FABP12: variants seen among roughly 807,000 people sequenced by gnomAD.
FABP12 encodes fatty acid-binding protein 12.
Under a neutral mutation model 13.7 loss-of-function variants are expected in FABP12, and 19 were observed. The observed-to-expected ratio is 1.39, with a 90% confidence interval of 0.97 to 2.04. FABP12 has a LOEUF of 2.04. Among genes scored for constraint, FABP12 ranks in the 30% most tolerant of loss-of-function variants. The pLI is 0.00. For synonymous variants in FABP12, 61 were observed against 57.0 expected, an observed-to-expected ratio of 1.07 and a Z score of -0.32; for missense variants, 182 against 164.2, an observed-to-expected ratio of 1.11 and a Z score of -0.59.
At chr8:81,542,524 CAG>C (rs1809367913) in intron 1 of FABP12, among the ~76,000 whole-genome samples, 1 of 152,140 alleles carries the variant, frequency 6.6e-6, no homozygotes, top group Non-Finnish European at 1.5e-5. Context: ...TGAGAGGACA[CAG>C]GGAAAAGCTT....
chr8:81,578,817 G>A (rs1235204362), intron 1 of FABP12, among the ~76,000 whole-genome samples: 1 of 55,622 alleles, frequency 1.8e-5, no homozygotes, highest in Non-Finnish European at 3.2e-5. Flanking sequence ...TGACACATTT[G>A]TTCAAGTTTT....
intron 4 of FABP12, among the ~76,000 whole-genome samples, chr8:81,526,728 C>A: frequency 6.6e-6 from 1 of 151,854 alleles, no homozygotes; most frequent in East Asian, 1.9e-4. Flanking sequence ...TGGCAACAAC[C>A]CTCAACCCCT....
chr8:81,585,524 A>C (rs577556262), intron 1 of FABP12, among the ~76,000 whole-genome samples: 1 of 152,274 alleles, frequency 6.6e-6, no homozygotes, highest in Admixed American at 6.5e-5. Flanking sequence ...TGATGCTTCC[A>C]GCTTTGTTCT....
chr8:81,589,565 C>T (rs945287703), intron 1 of FABP12, among the ~76,000 whole-genome samples: 1 of 152,178 alleles, frequency 6.6e-6, no homozygotes, highest in African/African-American at 2.4e-5. Context: ...TTCACTTTCC[C>T]CCTGTTTAGG....
At chr8:81,554,718 C>A (rs1484791406) in intron 1 of FABP12, among the ~76,000 whole-genome samples, 1 of 152,042 alleles carries the variant, frequency 6.6e-6, no homozygotes, top group Non-Finnish European at 1.5e-5. Flanking sequence ...GGTGTCCAAT[C>A]TTTTGGCTTC....
intron 1 of FABP12, among the ~76,000 whole-genome samples, chr8:81,567,595 G>T (rs753320796): frequency 6.6e-6 from 1 of 152,198 alleles, no homozygotes; most frequent in East Asian, 1.9e-4. Flanking sequence ...GGAGAAACTG[G>T]ATATCCATAT....
At chr8:81,526,007 T>A (rs1808890477) in intron 4 of FABP12, 1 of 152,196 alleles carries the variant, frequency 6.6e-6, no homozygotes, top group East Asian at 1.9e-4. Context: ...ATCCTTTGAT[T>A]CTGAGTGTAG....
At chr8:81,559,524 A>T (rs1430933262) in intron 1 of FABP12, among the ~76,000 whole-genome samples, 1 of 152,186 alleles carries the variant, frequency 6.6e-6, no homozygotes, top group African/African-American at 2.4e-5. Flanking sequence ...CAGTGATGTG[A>T]TGGAAATGAG....
intron 1 of FABP12, among the ~76,000 whole-genome samples, chr8:81,577,725 A>C (rs1585859237): frequency 6.6e-6 from 1 of 152,192 alleles, no homozygotes; most frequent in East Asian, 1.9e-4. Flanking sequence ...TCCGCCATGC[A>C]CTCTAGCCTG....
At chr8:81,582,118 A>ATTTTTTTTTTTTTTT (rs34960860) in intron 1 of FABP12, among the ~76,000 whole-genome samples, 1 of 96,788 alleles carries the variant, frequency 1.0e-5, no homozygotes, top group Non-Finnish European at 1.9e-5. Flanking sequence ...GCTAACTGGA[A>ATTTTTTTTTTTTTTT]TTTTTTTTTT....
chr8:81,553,059 G>T (rs1161597409), intron 1 of FABP12, among the ~76,000 whole-genome samples: 1 of 152,156 alleles, frequency 6.6e-6, no homozygotes, highest in South Asian at 2.1e-4. Flanking sequence ...AACATTTAAT[G>T]TGACCATGGT....
At chr8:81,582,823 T>C (rs1345732452) in intron 1 of FABP12, among the ~76,000 whole-genome samples, 2 of 152,100 alleles carry the variant, frequency 1.3e-5, no homozygotes, top group Non-Finnish European at 2.9e-5. Context: ...AACAAAGAAA[T>C]ATTGGATTTA....
At position 81,530,397 on chromosome 8, in the gene FABP12, G is replaced by A. The variant is rs1809036413; in HGVS notation, c.74-787C>T. Among the ~76,000 whole-genome samples the A allele has an allele frequency of 1.3e-5, 2 of 151,972 alleles. 1 individual carries two copies. Among genetic ancestry groups the A allele is most frequent in the Admixed American group, 1.3e-4 (2 of 15,260 alleles). The stretch of plus-strand genomic sequence containing the variant: ...CTCCCTGTTGATGAACAATTCATTT[G>A]TTTCCATTTTGGTTATTACAAATAA... On this transcript the variant is annotated intron_variant, in intron 2 of 4. Coordinates refer to ENST00000360464, the Ensembl canonical transcript of FABP12.
upstream of FABP12, among the ~76,000 whole-genome samples, chr8:81,537,533 T>G (rs947064373): frequency 5.3e-5 from 8 of 152,178 alleles, no homozygotes; most frequent in African/African-American, 1.7e-4. Flanking sequence ...TAAAATTTAT[T>G]GAAAATGGAG....
chr8:81,567,664 G>T (rs980176209), intron 1 of FABP12, among the ~76,000 whole-genome samples: 2 of 152,046 alleles, frequency 1.3e-5, no homozygotes, highest in African/African-American at 4.8e-5. Flanking sequence ...AATCAAAATG[G>T]ATTAAAGATT....
At position 81,527,019 on chromosome 8, in the gene FABP12, C is replaced by A; in HGVS notation, c.348+1G>T. 6.3e-7 allele frequency: 1 copy of A among 1,590,782 alleles called. No individual in the cohort carries two copies. The highest frequency in any genetic ancestry group is 8.6e-7 in the Non-Finnish European group (1 of 1,162,834). On this transcript the variant is annotated splice_donor_variant, in intron 4 of 4. Transcript: ENST00000360464. LOFTEE classifies it high-confidence loss of function. ...AAGAAAGCGAGGATGGGCTAACTCA[C>A]CACCACCATTTTCCCATCCACCAGC...
chr8:81,533,674 G>C (rs1422258542), intron 1 of FABP12, among the ~76,000 whole-genome samples, 128 bp downstream of exon 1: 1 of 152,164 alleles, frequency 6.6e-6, no homozygotes, highest in Non-Finnish European at 1.5e-5. Context: ...AACATGCTCA[G>C]GTTTTTTCTC....
chr8:81,578,487 CTT>C (rs201920868), intron 1 of FABP12, among the ~76,000 whole-genome samples: 3 of 136,606 alleles, frequency 2.2e-5, no homozygotes, highest in Non-Finnish European at 4.8e-5. Flanking sequence ...ATTTTCTTTT[CTT>C]TTTTTTTTTT....
At chr8:81,562,897 C>A (rs143953531) in intron 1 of FABP12, among the ~76,000 whole-genome samples, 4 of 152,342 alleles carry the variant, frequency 2.6e-5, no homozygotes, top group African/African-American at 9.6e-5. Flanking sequence ...AACCTCTCAT[C>A]ATAAGAGTCC....
Sources: allele counts gnomAD v4.1 joint callset (sites outside exome capture counted in the v4.1 genomes callset), GRCh38; gene constraint gnomAD v4.1.1; transcripts MANE v1.5; gene names NCBI Gene and HGNC (gene_info 2026-07-23, HGNC 2026-07-21).